The following TRPM3 variants were observed in gnomAD, a reference collection of about 807,000 sequenced individuals.
TRPM3 encodes transient receptor potential cation channel subfamily M member 3, also known as long transient receptor potential channel 3.
TRPM3 carries 77 observed loss-of-function variants against 181.2 expected under a neutral mutation model. The ratio of observed to expected loss-of-function variants is 0.42; its 90% CI spans 0.35 to 0.51. TRPM3 has a LOEUF of 0.51. TRPM3 is among the 20% of genes least tolerant of loss of function. TRPM3 has a pLI of 0.01. For synonymous variants in TRPM3, 745 were observed against 796.4 expected (o/e 0.94, Z 1.09); for missense variants, 1,759 against 2,196.7 (o/e 0.80, Z 3.98).
At chr9:71,079,221 T>C (rs2063875633) in intron 1 of TRPM3, among the ~76,000 whole-genome samples, 1 of 152,174 alleles carries the variant, frequency 6.6e-6, no homozygotes, top group Non-Finnish European at 1.5e-5. Flanking sequence ...GGTAAACCAC[T>C]AGAGTAATGC....
intron 1 of TRPM3, among the ~76,000 whole-genome samples, chr9:71,335,091 G>T (rs1475368728): frequency 6.6e-6 from 1 of 152,048 alleles, no homozygotes; most frequent in Non-Finnish European, 1.5e-5. Context: ...GAGATCACGG[G>T]TAACCAAAAA....
chr9:70,885,528 A>T (rs2096070338), intron 1 of TRPM3, among the ~76,000 whole-genome samples: 1 of 152,142 alleles, frequency 6.6e-6, no homozygotes, highest in Admixed American at 6.5e-5. Flanking sequence ...TGGCTTGTCT[A>T]TTATTAAACT....
rs573070202 is a variant in TRPM3 at position 70,986,509 on chromosome 9, C to T, written c.178-121998G>A. ...TTGTATGATGCTTTGAGATATTTCC[C>T]CTTGAATCATCTAAGTCAAGCAGAC... On this transcript the variant is annotated intron_variant, in intron 1 of 25. Transcript: ENST00000677713. Among the ~76,000 whole-genome samples, 63 of 152,038 alleles carry T rather than the reference C, an allele frequency of 4.1e-4. 1 individual carries two copies. In the South Asian group the frequency reaches 0.013, roughly 32 times the overall value.
chr9:71,339,145 C>A (rs1381882103), intron 1 of TRPM3, among the ~76,000 whole-genome samples: 2 of 151,902 alleles, frequency 1.3e-5, no homozygotes, highest in East Asian at 1.9e-4. Flanking sequence ...AACTTCAAAC[C>A]CTTTATGAAC....
intron 3 of TRPM3, among the ~76,000 whole-genome samples, chr9:70,851,359 T>A (rs11998936): frequency 6.6e-6 from 1 of 152,146 alleles, no homozygotes; most frequent in Non-Finnish European, 1.5e-5. Context: ...ATACAGATAT[T>A]GTGTAATAAT....
chr9:71,433,160 A>G (rs2093983094), intron 1 of TRPM3, among the ~76,000 whole-genome samples: 1 of 152,202 alleles, frequency 6.6e-6, no homozygotes, highest in Non-Finnish European at 1.5e-5. Flanking sequence ...GCCATGAATG[A>G]CCAATTGCAG....
chr9:71,162,613 A>G (rs550152024), intron 1 of TRPM3, among the ~76,000 whole-genome samples: 49 of 152,340 alleles, frequency 3.2e-4, no homozygotes, highest in African/African-American at 1.2e-3. Context: ...GGAATTGTTC[A>G]GAGAACTTAT....
chr9:71,046,016 A>G (rs182812100), intron 1 of TRPM3, among the ~76,000 whole-genome samples: 321 of 147,518 alleles, frequency 2.2e-3, no homozygotes, highest in African/African-American at 7.6e-3. Context: ...ATGGAGCCTC[A>G]CTCTGTCACC....
chr9:71,189,852 T>C (rs1256577317), intron 1 of TRPM3, among the ~76,000 whole-genome samples: 1 of 151,870 alleles, frequency 6.6e-6, no homozygotes, highest in Non-Finnish European at 1.5e-5. Flanking sequence ...TGATAACATA[T>C]ACCTCTAATG....
intron 1 of TRPM3, among the ~76,000 whole-genome samples, chr9:71,017,598 C>T (rs1428098772): frequency 5.3e-5 from 8 of 151,620 alleles, no homozygotes; most frequent in Admixed American, 1.3e-4. Flanking sequence ...AGGCAAGAAA[C>T]ATTGTTACAA....
chr9:71,236,782 C>G (rs1219626979), intron 1 of TRPM3, among the ~76,000 whole-genome samples: 1 of 152,190 alleles, frequency 6.6e-6, no homozygotes, highest in Non-Finnish European at 1.5e-5. Context: ...TGCAGTGGCT[C>G]ACGCCTGTAA....
intron 1 of TRPM3, among the ~76,000 whole-genome samples, chr9:70,986,440 G>A (rs2097422379): frequency 6.6e-6 from 1 of 151,972 alleles, no homozygotes; most frequent in African/African-American, 2.4e-5. Context: ...TGCAAACTTG[G>A]TTGCATGTAA....
intron 1 of TRPM3, among the ~76,000 whole-genome samples, chr9:71,154,924 C>G (rs1441345215): frequency 6.6e-6 from 1 of 152,108 alleles, no homozygotes; most frequent in Non-Finnish European, 1.5e-5. Flanking sequence ...ACTAATGAAA[C>G]AAACTCACAC....
chr9:71,132,513 G>A (rs2074436726), intron 1 of TRPM3, among the ~76,000 whole-genome samples: 1 of 152,108 alleles, frequency 6.6e-6, no homozygotes, highest in Non-Finnish European at 1.5e-5. Flanking sequence ...TTTTCAGGGT[G>A]ATAAAAATGC....
chr9:70,970,092 T>C (rs1259873438), intron 1 of TRPM3, among the ~76,000 whole-genome samples: 1 of 152,096 alleles, frequency 6.6e-6, no homozygotes, highest in Admixed American at 6.6e-5. Context: ...CAACAAATTA[T>C]TTACTGTATA....
chr9:70,569,112 G>C (rs138670509), intron 22 of TRPM3, among the ~76,000 whole-genome samples: 2,767 of 152,240 alleles, frequency 0.018, 32 homozygotes, highest in Middle Eastern at 0.044. Context: ...CCAATTTCAG[G>C]CTAGGAAATA....
At chr9:71,034,227 G>C (rs2057898870) in intron 1 of TRPM3, among the ~76,000 whole-genome samples, 1 of 152,158 alleles carries the variant, frequency 6.6e-6, no homozygotes, top group South Asian at 2.1e-4. Flanking sequence ...GCATAGTAGA[G>C]ATCCAGGCAG....
intron 9 of TRPM3, among the ~76,000 whole-genome samples, chr9:70,672,007 T>C (rs1442091558): frequency 6.6e-6 from 1 of 151,146 alleles, no homozygotes; most frequent in Non-Finnish European, 1.5e-5. Flanking sequence ...TGACCTCAAA[T>C]GATCTGCCTG....
At chr9:71,016,497 G>A (rs983649937) in intron 1 of TRPM3, among the ~76,000 whole-genome samples, 2 of 151,958 alleles carry the variant, frequency 1.3e-5, no homozygotes, top group Admixed American at 1.3e-4. Flanking sequence ...TCTCATATAA[G>A]TGGAACCATA....
Sources: gnomAD v4.1 joint callset for allele counts (sites outside exome capture counted in the v4.1 genomes callset) on GRCh38, gnomAD v4.1.1 for gene constraint, MANE v1.5 for transcripts, NCBI Gene and HGNC (gene_info 2026-07-23, HGNC 2026-07-21) for gene names.